TCAIM: variants seen among roughly 807,000 people sequenced by gnomAD.
The protein encoded by TCAIM is T cell activation inhibitor, mitochondrial.
TCAIM carries 36 observed loss-of-function variants against 58.6 expected under a neutral mutation model. That is an observed-to-expected ratio of 0.61 (90% CI 0.47 to 0.81). The LOEUF (loss-of-function observed/expected upper bound fraction) is 0.81, where lower values mean the gene tolerates loss of function less well. Ranked by LOEUF, TCAIM falls within the 30% of genes least tolerant of loss-of-function variation. The probability of loss-of-function intolerance (pLI) is 0.00; values close to 1 mark genes in which losing one functional copy is unlikely to be tolerated. For missense variants in TCAIM, 466 were observed against 579.6 expected, an observed-to-expected ratio of 0.80 and a Z score of 2.01; for synonymous variants, 172 against 193.6, an observed-to-expected ratio of 0.89 and a Z score of 0.93.
At position 44,356,143 on chromosome 3, in the gene TCAIM, A is replaced by G. The variant is rs1410136156; in HGVS notation, c.29+1332A>G. ...CAGAAATGATTCCACAATCTCTACC[A>G]TTTTAAAAACATAAAACTTTTCTAA... On this transcript the variant is annotated intron_variant, in intron 2 of 10. Transcript: ENST00000342649. 2.0e-5 allele frequency among the ~76,000 whole-genome samples: 3 copies of G among 152,258 alleles called. No individual in the cohort carries two copies. In the East Asian group the frequency reaches 5.8e-4, roughly 29 times the overall value.
At chr3:44,386,232 A>AC (rs1693387769) in intron 5 of TCAIM, among the ~76,000 whole-genome samples, 2 of 150,524 alleles carry the variant, frequency 1.3e-5, no homozygotes, top group African/African-American at 2.4e-5. Flanking sequence ...AAAAAAAAAA[A>AC]CACTTTAAAA....
At chr3:44,351,291 G>A (rs1290974636) in intron 1 of TCAIM, among the ~76,000 whole-genome samples, 1 of 151,472 alleles carries the variant, frequency 6.6e-6, no homozygotes, top group Non-Finnish European at 1.5e-5. Context: ...CTTTCTTACG[G>A]AGCAAAGAGC....
intron 5 of TCAIM, among the ~76,000 whole-genome samples, chr3:44,369,869 T>G (rs1701436743): frequency 6.6e-6 from 1 of 152,234 alleles, no homozygotes; most frequent in Non-Finnish European, 1.5e-5. Context: ...TGCTAGAGGC[T>G]CAGTTTGAAG....
intron 1 of TCAIM, among the ~76,000 whole-genome samples, chr3:44,343,541 G>C (rs1295566274): frequency 1.3e-5 from 2 of 152,142 alleles, no homozygotes; most frequent in Non-Finnish European, 2.9e-5. Flanking sequence ...TGTTTGTACT[G>C]AATCTTTTAA....
intron 2 of TCAIM, among the ~76,000 whole-genome samples, chr3:44,355,551 A>G (rs1701174793): frequency 6.6e-6 from 1 of 152,262 alleles, no homozygotes. Context: ...AGGACAGCAG[A>G]GTAGACTAAT....
chr3:44,390,989 C>T (rs1276413854), intron 5 of TCAIM, among the ~76,000 whole-genome samples: 1 of 152,120 alleles, frequency 6.6e-6, no homozygotes, highest in Admixed American at 6.5e-5. Context: ...GCTCTTCAGC[C>T]TCCCAGGACT....
intron 5 of TCAIM, among the ~76,000 whole-genome samples, chr3:44,390,818 T>G (rs183237666): frequency 9.0e-4 from 137 of 152,202 alleles, no homozygotes; most frequent in East Asian, 2.7e-3. Context: ...AAAAAAATAA[T>G]AAGAAGAAAG....
At chr3:44,358,457 A>G in intron 3 of TCAIM, 1 of 555,238 alleles carries the variant, frequency 1.8e-6, no homozygotes, top group Non-Finnish European at 3.1e-6. Context: ...TGAAAATATT[A>G]GGGGAAAAAA....
rs1318327107 is a variant in TCAIM at position 44,408,867 on chromosome 3, G to A, written c.*1185G>A. 3.3e-5 allele frequency: 5 copies of A among 152,134 alleles called. No homozygotes were observed. Among genetic ancestry groups the A allele is most frequent in the Non-Finnish European group, 5.9e-5 (4 of 68,034 alleles). 9.4% of individuals were successfully genotyped at this position (152,134 alleles called of 1,614,324 possible). A position where few individuals can be genotyped will look rare whatever the true frequency, so the allele number is the denominator to read the frequency against. ...GGTTGATGGTGTCCCCAGCACAGCCGAGAGACCTGATCTCTGGATTCAGTG... is the reference window on the plus strand; with the variant it reads ...GGTTGATGGTGTCCCCAGCACAGCCAAGAGACCTGATCTCTGGATTCAGTG... On this transcript the variant is annotated 3_prime_UTR_variant, in exon 11 of 11. Coordinates refer to ENST00000342649, the MANE Select transcript of TCAIM (RefSeq NM_173826.4).
At chr3:44,384,053 G>A (rs1701696913) in intron 5 of TCAIM, among the ~76,000 whole-genome samples, 1 of 151,952 alleles carries the variant, frequency 6.6e-6, no homozygotes, top group African/African-American at 2.4e-5. Flanking sequence ...AAATAGTCTG[G>A]CTTACTTGGT....
intron 10 of TCAIM, among the ~76,000 whole-genome samples, chr3:44,406,509 A>G (rs1350248680): frequency 6.6e-6 from 1 of 152,196 alleles, no homozygotes; most frequent in Admixed American, 6.5e-5. Context: ...ATCTTACAGA[A>G]AAAGCAAACA....
At chr3:44,368,155 G>A (rs1043927173) in intron 5 of TCAIM, among the ~76,000 whole-genome samples, 1 of 152,022 alleles carries the variant, frequency 6.6e-6, no homozygotes, top group Non-Finnish European at 1.5e-5. Flanking sequence ...AAAAATACAT[G>A]GTGACCAAAT....
At position 44,361,526 on chromosome 3, in the gene TCAIM, T is replaced by C; in HGVS notation, c.319+8T>C. On this transcript the variant is annotated splice_region_variant and intron_variant, in intron 4 of 10. Coordinates refer to ENST00000342649, the MANE Select transcript of TCAIM (RefSeq NM_173826.4). ...AACCTTTTAGTACTTCCGGTACGTT[T>C]TTTATTTCTGGTGTGTCCCTTGCAA... is the stretch of plus-strand genomic sequence containing the variant. 6.3e-7 allele frequency: 1 copy of C among 1,587,006 alleles called. No homozygotes were observed. Among genetic ancestry groups the C allele is most frequent in the East Asian group, 2.2e-5 (1 of 44,452 alleles).
rs548263852 is a variant in TCAIM, at chr3:44,379,274, G to C, written c.572+11566G>C. Among the ~76,000 whole-genome samples the C allele has an allele frequency of 5.8e-4, 88 of 152,270 alleles. 2 individuals are homozygous for C. In the South Asian group the frequency reaches 0.017, roughly 29 times the overall value. On this transcript the variant is annotated intron_variant, in intron 5 of 10. Coordinates refer to ENST00000342649, the MANE Select transcript of TCAIM (RefSeq NM_173826.4). ...GGGAATGCTTATTTAGTGTTGGTAA[G>C]AGTGTATATTAGTTAAACCATCGTG...
At chr3:44,392,676 A>C (rs1233065159) in intron 5 of TCAIM, among the ~76,000 whole-genome samples, 179 bp from the exon 6 acceptor site, 4 of 152,192 alleles carry the variant, frequency 2.6e-5, no homozygotes, top group African/African-American at 9.7e-5. Context: ...TTATGGCTGC[A>C]TAGTATTCTA....
chr3:44,390,873 T>C (rs1049215208), intron 5 of TCAIM, among the ~76,000 whole-genome samples: 2 of 152,158 alleles, frequency 1.3e-5, no homozygotes, highest in Non-Finnish European at 2.9e-5. Context: ...TAGTAATGCC[T>C]GGGGCCCACC....
intron 5 of TCAIM, among the ~76,000 whole-genome samples, chr3:44,378,404 A>T (rs1483993033): frequency 1.3e-5 from 2 of 152,022 alleles, no homozygotes; most frequent in Admixed American, 6.6e-5. Flanking sequence ...CAAAAAAAAA[A>T]TTTTACAAGC....
At position 44,400,397 on chromosome 3, in the gene TCAIM, CTGA is replaced by C. The variant is rs1702002574; in HGVS notation, c.933_935del (p.Met311del). Reference sequence around the variant, plus strand: ...AAGTTATTTTGACCTTCAGAGGAGGCTGATGATTTTAGAAGACCAAATAAGCTA... The same window carrying C: ...AAGTTATTTTGACCTTCAGAGGAGGCTGATTTTAGAAGACCAAATAAGCTA... On this transcript the variant is annotated inframe_deletion, in exon 9 of 11. Transcript: ENST00000342649. 1.2e-6 allele frequency: 2 copies of C among 1,613,680 alleles called. No individual in the cohort carries two copies. Among genetic ancestry groups the C allele is most frequent in the Non-Finnish European group, 1.7e-6 (2 of 1,179,852 alleles).
chr3:44,348,257 C>T (rs938593870), intron 1 of TCAIM, among the ~76,000 whole-genome samples: 6 of 152,150 alleles, frequency 3.9e-5, no homozygotes, highest in Admixed American at 6.5e-5. Context: ...AGGAGGCTTC[C>T]GAGGCCATCA....
Sources: gnomAD v4.1 joint callset for allele counts (sites outside exome capture counted in the v4.1 genomes callset) on GRCh38, gnomAD v4.1.1 for gene constraint, MANE v1.5 for transcripts, NCBI Gene and HGNC (gene_info 2026-07-23, HGNC 2026-07-21) for gene names.